PALLD: variants seen among roughly 807,000 people sequenced by gnomAD.
The protein encoded by PALLD is palladin, cytoskeletal associated protein, also known as palladin.
A neutral mutation model predicts 123.5 loss-of-function variants in PALLD; 61 were observed. That is an observed-to-expected ratio of 0.49 (90% CI 0.40 to 0.61). The LOEUF is 0.61. PALLD is among the 20% of genes least tolerant of loss of function. The pLI is 0.00. For synonymous variants in PALLD, 465 were observed against 496.4 expected (o/e 0.94, Z 0.84); for missense variants, 1,273 against 1,377.0 (o/e 0.92, Z 1.20).
intron 10 of PALLD, among the ~76,000 whole-genome samples, chr4:168,861,899 T>TC: frequency 6.6e-6 from 1 of 152,130 alleles, no homozygotes; most frequent in African/African-American, 2.4e-5. Flanking sequence ...CAAGTGATCC[T>TC]CCCCCTTCGG....
At position 168,513,174 on chromosome 4, in the gene PALLD, A is replaced by G. The variant is rs557618827; in HGVS notation, c.908+762A>G. ...TGGACTAAATAGGCACATATTCAGT[A>G]ACATAAACACACACACACCCCTTCA... is the stretch of plus-strand genomic sequence containing the variant. On this transcript the variant is annotated intron_variant, in intron 2 of 21. Transcript: ENST00000505667. 1.8e-4 allele frequency among the ~76,000 whole-genome samples: 28 copies of G among 152,302 alleles called. No individual in the cohort carries two copies. In the South Asian group the frequency reaches 5.8e-3, roughly 32 times the overall value.
intron 2 of PALLD, among the ~76,000 whole-genome samples, chr4:168,619,620 G>A (rs1410796674): frequency 6.6e-6 from 1 of 152,138 alleles, no homozygotes; most frequent in East Asian, 1.9e-4. Flanking sequence ...ATACTGTGGT[G>A]GGAAATCTTT....
At chr4:168,925,452 A>C in intron 21 of PALLD, 174 bp downstream of exon 21, 1 of 643,526 alleles carries the variant, frequency 1.6e-6, no homozygotes, top group Non-Finnish European at 2.8e-6. Context: ...ACTGCCTTTT[A>C]ACATTTCTTC....
At chr4:168,504,983 T>A (rs529974974) in intron 1 of PALLD, 1 of 152,322 alleles carries the variant, frequency 6.6e-6, no homozygotes, top group African/African-American at 2.4e-5. Flanking sequence ...ACAGAAAACA[T>A]GAAATCTCAG....
rs115106395 is a variant in PALLD at position 168,749,049 on chromosome 4, G to C, written c.1964+37126G>C. Among the ~76,000 whole-genome samples the C allele has an allele frequency of 4.3e-3, 654 of 152,260 alleles. 1 individual carries two copies. The highest frequency in any genetic ancestry group is 0.015 in the African/African-American group (607 of 41,562). ...TGTTGGAGGTGGGGCCTGGTGAGAG[G>C]TGCTTGGGGCAGGAGGGCAGATCCC... On this transcript the variant is annotated intron_variant, in intron 10 of 21. Coordinates refer to ENST00000505667, the MANE Select transcript of PALLD (RefSeq NM_001166108.2).
intron 10 of PALLD, among the ~76,000 whole-genome samples, chr4:168,779,027 A>G (rs758770300): frequency 6.6e-6 from 1 of 152,230 alleles, no homozygotes; most frequent in Non-Finnish European, 1.5e-5. Context: ...CATTAATGTT[A>G]TGATGCTTAT....
chr4:168,775,210 A>G (rs541018707), intron 10 of PALLD, among the ~76,000 whole-genome samples: 67 of 152,246 alleles, frequency 4.4e-4, no homozygotes, highest in African/African-American at 1.4e-3. Context: ...ACATGGTATC[A>G]TTAGTTTTTC....
At chr4:168,899,730 A>G (rs1030221026) in intron 14 of PALLD, among the ~76,000 whole-genome samples, 2 of 152,146 alleles carry the variant, frequency 1.3e-5, no homozygotes, top group Non-Finnish European at 2.9e-5. Flanking sequence ...CAGCCTGGCC[A>G]ACATGGTGAA....
intron 2 of PALLD, among the ~76,000 whole-genome samples, chr4:168,577,210 C>T (rs192938034): frequency 6.6e-6 from 1 of 152,202 alleles, no homozygotes; most frequent in East Asian, 1.9e-4. Flanking sequence ...TATTTGAACA[C>T]AGTTTGAATG....
At chr4:168,502,555 CG>C (rs1233363393) in intron 1 of PALLD, among the ~76,000 whole-genome samples, 3 of 151,946 alleles carry the variant, frequency 2.0e-5, no homozygotes, top group Admixed American at 6.6e-5. Flanking sequence ...AAACAGAGCC[CG>C]GGACACAAGC....
intron 10 of PALLD, among the ~76,000 whole-genome samples, chr4:168,717,957 C>T (rs1456603640): frequency 6.6e-6 from 1 of 152,178 alleles, no homozygotes; most frequent in Admixed American, 6.5e-5. Context: ...TTTTCACTCT[C>T]TAGTACATAC....
At chr4:168,609,601 G>A (rs1259548868) in intron 2 of PALLD, among the ~76,000 whole-genome samples, 4 of 152,162 alleles carry the variant, frequency 2.6e-5, no homozygotes, top group African/African-American at 9.7e-5. Context: ...TATCAGAGTG[G>A]CCTAGGGGCA....
chr4:168,554,852 A>G (rs1315162303), intron 2 of PALLD, among the ~76,000 whole-genome samples: 1 of 152,094 alleles, frequency 6.6e-6, no homozygotes, highest in Non-Finnish European at 1.5e-5. Flanking sequence ...AAAACCTATC[A>G]TATTTATACT....
chr4:168,896,214 A>G (rs1755129180), intron 12 of PALLD, among the ~76,000 whole-genome samples: 1 of 151,948 alleles, frequency 6.6e-6, no homozygotes, highest in African/African-American at 2.4e-5. Flanking sequence ...ATCTCAAAAA[A>G]AAAAAAAAAA....
chr4:168,794,461 C>T (rs1303949698), intron 10 of PALLD, among the ~76,000 whole-genome samples: 2 of 151,298 alleles, frequency 1.3e-5, no homozygotes, highest in Non-Finnish European at 1.5e-5. Flanking sequence ...GCGCAGCGCA[C>T]AGACGTACGT....
intron 10 of PALLD, among the ~76,000 whole-genome samples, chr4:168,833,199 T>C (rs367799615): frequency 4.6e-5 from 7 of 152,124 alleles, no homozygotes; most frequent in African/African-American, 1.7e-4. Flanking sequence ...GATTGAGGCT[T>C]GGGACCTTTG....
intron 2 of PALLD, among the ~76,000 whole-genome samples, chr4:168,516,040 A>G (rs17054285): frequency 0.29 from 44,069 of 152,022 alleles, 6,478 homozygotes; most frequent in Non-Finnish European, 0.33. Context: ...ACCCTCTCAC[A>G]CTGTGTGAAC....
chr4:168,627,235 C>A (rs964908331), intron 2 of PALLD, among the ~76,000 whole-genome samples: 1 of 152,202 alleles, frequency 6.6e-6, no homozygotes, highest in Admixed American at 6.5e-5. Flanking sequence ...ACAGGCCAGG[C>A]ACGGTGGCTC....
At chr4:168,843,326 G>A (rs943008018) in intron 10 of PALLD, among the ~76,000 whole-genome samples, 1 of 151,532 alleles carries the variant, frequency 6.6e-6, no homozygotes, top group Non-Finnish European at 1.5e-5. Context: ...CACCTGGTCA[G>A]CGCTTATCTT....
Sources: gnomAD v4.1 joint callset for allele counts (sites outside exome capture counted in the v4.1 genomes callset) on GRCh38, gnomAD v4.1.1 for gene constraint, MANE v1.5 for transcripts, NCBI Gene and HGNC (gene_info 2026-07-23, HGNC 2026-07-21) for gene names.